The following CPNE4 variants were observed in gnomAD, a reference collection of about 807,000 sequenced individuals.
CPNE4 encodes copine-4.
In CPNE4, 25 loss-of-function variants were observed where a neutral mutation model predicts 67.9. The ratio of observed to expected loss-of-function variants is 0.37; its 90% confidence interval spans 0.27 to 0.51. The LOEUF (loss-of-function observed/expected upper bound fraction) is 0.51, where lower values mean the gene tolerates loss of function less well. CPNE4 is among the 20% of genes least tolerant of loss of function. The probability of loss-of-function intolerance (pLI) is 0.93; values close to 1 mark genes in which losing one functional copy is unlikely to be tolerated. For synonymous variants in CPNE4, 242 were observed against 244.9 expected (o/e 0.99, Z 0.11); for missense variants, 464 against 690.8 (o/e 0.67, Z 3.68).
At chr3:131,713,578 T>C (rs1211231804) in intron 3 of CPNE4, among the ~76,000 whole-genome samples, 1 of 152,122 alleles carries the variant, frequency 6.6e-6, no homozygotes, top group Non-Finnish European at 1.5e-5. Context: ...ATGCAAAATG[T>C]TTGTTCTATA....
intron 1 of CPNE4, among the ~76,000 whole-genome samples, chr3:131,949,200 A>C (rs1231072648): frequency 6.6e-6 from 1 of 152,202 alleles, no homozygotes; most frequent in Non-Finnish European, 1.5e-5. Flanking sequence ...AAACAAAAGA[A>C]CATAAAGAAG....
At chr3:131,705,704 A>G (rs968114210) in intron 3 of CPNE4, among the ~76,000 whole-genome samples, 2 of 152,202 alleles carry the variant, frequency 1.3e-5, no homozygotes, top group African/African-American at 4.8e-5. Context: ...TAGGTATTCC[A>G]TTAGTTTGAG....
At chr3:131,576,810 T>A (rs1339052639) in intron 9 of CPNE4, among the ~76,000 whole-genome samples, 1 of 151,724 alleles carries the variant, frequency 6.6e-6, no homozygotes, top group Non-Finnish European at 1.5e-5. Context: ...TTTCAGCAGG[T>A]TTTGAAATCT....
intron 1 of CPNE4, among the ~76,000 whole-genome samples, chr3:132,002,584 A>C (rs1474541904): frequency 6.6e-6 from 1 of 152,122 alleles, no homozygotes; most frequent in Non-Finnish European, 1.5e-5. Flanking sequence ...GTCCTCAGGA[A>C]GTTTGCAGTT....
At chr3:131,616,566 G>A (rs1940170324) in intron 7 of CPNE4, among the ~76,000 whole-genome samples, 1 of 152,188 alleles carries the variant, frequency 6.6e-6, no homozygotes. Context: ...AAAGTTCCTA[G>A]TGACAGATTT....
chr3:131,981,277 T>C (rs905672797), intron 1 of CPNE4, among the ~76,000 whole-genome samples: 7 of 151,582 alleles, frequency 4.6e-5, no homozygotes, highest in Admixed American at 3.9e-4. Flanking sequence ...CCCTTTGTCT[T>C]CTGCTACCAG....
At chr3:131,942,325 T>A (rs1028667639) in intron 1 of CPNE4, among the ~76,000 whole-genome samples, 1 of 151,826 alleles carries the variant, frequency 6.6e-6, no homozygotes, top group African/African-American at 2.4e-5. Flanking sequence ...GTGAAAAATG[T>A]AGTAAGCTTT....
chr3:131,591,917 A>C (rs16837161), intron 7 of CPNE4, among the ~76,000 whole-genome samples: 18,956 of 152,204 alleles, frequency 0.12, 1,551 homozygotes, highest in African/African-American at 0.23. Flanking sequence ...GAAGGCCTTG[A>C]CACATCTGTG....
At chr3:131,944,294 G>A (rs1428709109) in intron 1 of CPNE4, among the ~76,000 whole-genome samples, 1 of 151,828 alleles carries the variant, frequency 6.6e-6, no homozygotes, top group Non-Finnish European at 1.5e-5. Flanking sequence ...CTTCCACAGT[G>A]GAAGCTGACA....
chr3:131,627,552 A>T (rs942846492), intron 7 of CPNE4, among the ~76,000 whole-genome samples: 4 of 152,232 alleles, frequency 2.6e-5, no homozygotes, highest in African/African-American at 4.8e-5. Context: ...TTTGTAAGGC[A>T]TACCTGCTAT....
At chr3:131,621,977 C>T (rs1940495172) in intron 7 of CPNE4, among the ~76,000 whole-genome samples, 1 of 147,362 alleles carries the variant, frequency 6.8e-6, no homozygotes, top group Non-Finnish European at 1.5e-5. Context: ...CGAGATTGTG[C>T]CACTGCACTC....
intron 2 of CPNE4, among the ~76,000 whole-genome samples, chr3:131,854,597 A>G (rs972578242): frequency 1.3e-5 from 2 of 151,918 alleles, no homozygotes; most frequent in African/African-American, 4.8e-5. Flanking sequence ...GAAAAATTCT[A>G]TTTCAGGATA....
intron 2 of CPNE4, among the ~76,000 whole-genome samples, chr3:131,789,092 G>A (rs949413920): frequency 1.3e-5 from 2 of 150,004 alleles, no homozygotes; most frequent in African/African-American, 2.5e-5. Flanking sequence ...AATAATAAAG[G>A]AAACTTCCAC....
intron 1 of CPNE4, among the ~76,000 whole-genome samples, chr3:131,958,888 G>A (rs543963252): frequency 2.0e-5 from 3 of 147,796 alleles, no homozygotes; most frequent in African/African-American, 7.5e-5. Context: ...TCGAACTCCC[G>A]ACCTCGTGAT....
chr3:131,900,801 G>A (rs1029210132), intron 2 of CPNE4, among the ~76,000 whole-genome samples: 2 of 152,024 alleles, frequency 1.3e-5, no homozygotes, highest in African/African-American at 4.8e-5. Flanking sequence ...GATAATTGAT[G>A]TGTTACATAT....
At chr3:131,766,516 T>C (rs1322438149) in intron 2 of CPNE4, among the ~76,000 whole-genome samples, 1 of 152,214 alleles carries the variant, frequency 6.6e-6, no homozygotes, top group African/African-American at 2.4e-5. Flanking sequence ...AATTTCCGGC[T>C]ACCAATTTGA....
At chr3:131,870,832 T>C (rs372244855) in intron 2 of CPNE4, among the ~76,000 whole-genome samples, 1 of 152,160 alleles carries the variant, frequency 6.6e-6, no homozygotes, top group African/African-American at 2.4e-5. Flanking sequence ...GAGACGCACA[T>C]AGAGCCACTG....
intron 2 of CPNE4, among the ~76,000 whole-genome samples, chr3:131,802,517 G>A (rs2084169614): frequency 6.6e-6 from 1 of 152,156 alleles, no homozygotes; most frequent in Admixed American, 6.6e-5. Flanking sequence ...TTGAAGTAGG[G>A]GGAGGCAGTC....
chr3:131,769,250 T>G (rs2083103256), intron 2 of CPNE4, among the ~76,000 whole-genome samples: 1 of 152,110 alleles, frequency 6.6e-6, no homozygotes, highest in African/African-American at 2.4e-5. Flanking sequence ...ACAAGTGAAA[T>G]TAAGAAATAC....
Sources: allele counts gnomAD v4.1 joint callset (sites outside exome capture counted in the v4.1 genomes callset), GRCh38; gene constraint gnomAD v4.1.1; transcripts MANE v1.5; gene names NCBI Gene and HGNC (gene_info 2026-07-23, HGNC 2026-07-21).